SHANK2: variants seen among roughly 807,000 people sequenced by gnomAD.
SHANK2 encodes SH3 and multiple ankyrin repeat domains protein 2.
In SHANK2, 43 loss-of-function variants were observed where a neutral mutation model predicts 133.7. The ratio of observed to expected loss-of-function variants is 0.32; its 90% confidence interval spans 0.25 to 0.41. The LOEUF (loss-of-function observed/expected upper bound fraction) is 0.41. SHANK2 is among the 10% of genes least tolerant of loss of function. SHANK2 has a pLI of 1.00. For missense variants in SHANK2, 1,994 were observed against 2,235.8 expected, an observed-to-expected ratio of 0.89 and a Z score of 2.18; for synonymous variants, 1,017 against 952.8, an observed-to-expected ratio of 1.07 and a Z score of -1.24.
rs144423096 is a variant in SHANK2 at position 70,898,324 on chromosome 11, G to GTA, written c.1108-1759_1108-1758dup. On this transcript the variant is annotated intron_variant, in intron 10 of 25. Coordinates refer to ENST00000601538, the MANE Select transcript of SHANK2 (RefSeq NM_012309.5). ...CACACACACACACATATATATATGT[G>GTA]TATATATATATATGTATACATTTAA... Among the ~76,000 whole-genome samples, 586 of 141,464 alleles carry GTA rather than the reference G, an allele frequency of 4.1e-3. 3 individuals are homozygous for GTA. The highest frequency in any genetic ancestry group is 0.02 in the South Asian group (89 of 4,466). The allele number at this position is 141,464 out of a possible 152,430, so 92.8% of individuals were successfully genotyped here. A position where few individuals can be genotyped will look rare whatever the true frequency, so the allele number is the denominator to read the frequency against.
intron 14 of SHANK2, among the ~76,000 whole-genome samples, chr11:70,792,390 ACCAG>A (rs781996287): frequency 1.2e-3 from 157 of 132,508 alleles, no homozygotes; most frequent in Middle Eastern, 8.0e-3. Flanking sequence ...CAACCAGCCA[ACCAG>A]CCAACCAACC....
At chr11:70,691,265 G>A (rs1236691827) in intron 15 of SHANK2, among the ~76,000 whole-genome samples, 1 of 152,168 alleles carries the variant, frequency 6.6e-6, no homozygotes, top group Non-Finnish European at 1.5e-5. Context: ...GGAGGACGAG[G>A]AGAAGACAGG....
At chr11:71,234,095 C>T (rs1954790606) in intron 1 of SHANK2, among the ~76,000 whole-genome samples, 1 of 141,702 alleles carries the variant, frequency 7.1e-6, no homozygotes, top group South Asian at 2.3e-4. Flanking sequence ...TGCCTGTAAT[C>T]CCAGCACTTT....
rs1438768401 is a variant in SHANK2, at chr11:70,739,890, G to A, written c.1778-41127C>T. Among the ~76,000 whole-genome samples the A allele has an allele frequency of 1.3e-5, 2 of 152,354 alleles. No individual in the cohort carries two copies. The highest frequency in any genetic ancestry group is 2.1e-4 in the South Asian group (1 of 4,830). ...GGCCACGTGAAGACAGGCCAGAGCC[G>A]CCGCAGAGGATGATGATCCCGAATC... On this transcript the variant is annotated intron_variant, in intron 14 of 25. Transcript: ENST00000601538. The surrounding 1 kb of genome is among the most constrained non-coding windows in gnomAD (Gnocchi z 4.3).
At chr11:70,698,661 C>T (rs1555022875) in intron 15 of SHANK2, 27 bp downstream of exon 15, 2 of 718,574 alleles carry the variant, frequency 2.8e-6, no homozygotes, top group African/African-American at 1.7e-5. Context: ...ACCAGAGGGT[C>T]CTGGAAGAGA....
intron 11 of SHANK2, among the ~76,000 whole-genome samples, chr11:70,896,149 C>A (rs897053790): frequency 1.3e-5 from 2 of 152,130 alleles, no homozygotes; most frequent in African/African-American, 4.8e-5. Flanking sequence ...CTAGAGCCAA[C>A]CCTTAGCATA....
Position 70,800,051 on chromosome 11 carries a change from A to T in SHANK2, c.1664-1495T>A, listed in dbSNP as rs538346675. On this transcript the variant is annotated intron_variant, in intron 13 of 25. Transcript: ENST00000601538. ...TTTTTTTTTGTTTTTTGTTTTTTTTAGAGGCTTTGTCACCCAGGCTGAAGT... is the reference window on the plus strand; with the variant it reads ...TTTTTTTTTGTTTTTTGTTTTTTTTTGAGGCTTTGTCACCCAGGCTGAAGT... Among the ~76,000 whole-genome samples, 31 of 151,096 alleles carry T rather than the reference A, an allele frequency of 2.1e-4. No homozygotes were observed. The South Asian group carries it at 3.3e-3, about 16-fold the overall frequency.
intron 14 of SHANK2, among the ~76,000 whole-genome samples, chr11:70,779,513 G>T (rs931571546): frequency 1.3e-5 from 2 of 152,068 alleles, no homozygotes; most frequent in African/African-American, 4.8e-5. Flanking sequence ...ACCAAACATG[G>T]GTATGCTGAT....
rs1555148578 is a variant in SHANK2 at position 70,471,672 on chromosome 11, G to A, written c.*1197C>T. 2.9e-6 allele frequency: 1 copy of A among 343,936 alleles called. No homozygotes were observed. 21.3% of individuals were successfully genotyped at this position (343,936 alleles called of 1,614,324 possible). ...GCTGTTGTACTGTTAAGACAAGCTG[G>A]TGGGATTCCTAGACACCCAGAGCGA... On this transcript the variant is annotated 3_prime_UTR_variant, in exon 26 of 26. Transcript: ENST00000601538. This position sits in a 1 kb window ranked among gnomAD's most constrained non-coding sequence, Gnocchi z 4.1.
chr11:70,720,838 C>T (rs1204380270), intron 14 of SHANK2, among the ~76,000 whole-genome samples: 30 of 152,238 alleles, frequency 2.0e-4, no homozygotes, highest in African/African-American at 6.0e-4. Flanking sequence ...CATGCAAACA[C>T]ATCTTCACAC....
At position 70,804,605 on chromosome 11, in the gene SHANK2, G is replaced by A. The variant is rs556630850; in HGVS notation, c.1663+2397C>T. On this transcript the variant is annotated intron_variant, in intron 13 of 25. Transcript: ENST00000601538. This position sits in a 1 kb window ranked among gnomAD's most constrained non-coding sequence, Gnocchi z 4.1. Reference sequence around the variant, plus strand: ...TGCTGCTGGGTTCCAGTGTGCTGGGGAGGGGCAGAGAGGCTGAGGAGGCCC... The same window carrying A: ...TGCTGCTGGGTTCCAGTGTGCTGGGAAGGGGCAGAGAGGCTGAGGAGGCCC... Among the ~76,000 whole-genome samples the A allele has an allele frequency of 6.6e-6, 1 of 152,278 alleles. No individual in the cohort carries two copies. Among genetic ancestry groups the A allele is most frequent in the East Asian group, 1.9e-4 (1 of 5,150 alleles).
intron 2 of SHANK2, among the ~76,000 whole-genome samples, chr11:71,187,155 G>A (rs1183435762): frequency 1.3e-5 from 2 of 152,204 alleles, no homozygotes; most frequent in East Asian, 3.8e-4. Flanking sequence ...CTTAATTAAA[G>A]ACTGCATGAG....
intron 17 of SHANK2, among the ~76,000 whole-genome samples, chr11:70,536,325 C>T (rs1233929312): frequency 2.6e-5 from 4 of 152,216 alleles, no homozygotes; most frequent in East Asian, 3.9e-4. Context: ...TTGGACCAAG[C>T]TGAGATGAGG....
At chr11:70,614,071 G>C (rs1212444819) in intron 17 of SHANK2, among the ~76,000 whole-genome samples, 6 of 152,090 alleles carry the variant, frequency 3.9e-5, no homozygotes, top group Non-Finnish European at 8.8e-5. Context: ...AACCAGAAGA[G>C]GGGAATTTGG....
At chr11:70,693,331 T>G (rs79830404) in intron 15 of SHANK2, among the ~76,000 whole-genome samples, 1,898 of 152,346 alleles carry the variant, frequency 0.012, 34 homozygotes, top group African/African-American at 0.043. Context: ...TCTCTGACAT[T>G]ACTGCCTCTA....
intron 6 of SHANK2, among the ~76,000 whole-genome samples, chr11:71,104,362 C>T (rs1476717349): frequency 1.3e-5 from 2 of 149,068 alleles, no homozygotes; most frequent in Admixed American, 6.6e-5. Context: ...CAACACAGGG[C>T]CCCCCCCATC....
intron 10 of SHANK2, among the ~76,000 whole-genome samples, chr11:70,947,051 A>G (rs1950755544): frequency 6.6e-6 from 1 of 150,974 alleles, no homozygotes; most frequent in Non-Finnish European, 1.5e-5. Flanking sequence ...TGCACTAACC[A>G]ACCCTTCTCA....
intron 21 of SHANK2, among the ~76,000 whole-genome samples, chr11:70,494,712 C>T (rs576082): frequency 0.33 from 50,554 of 152,034 alleles, 9,836 homozygotes; most frequent in East Asian, 0.64. Context: ...AGGTGTTTGC[C>T]GACCCCTGGC....
At chr11:70,665,850 G>A (rs1010940083) in intron 15 of SHANK2, among the ~76,000 whole-genome samples, 4 of 152,136 alleles carry the variant, frequency 2.6e-5, no homozygotes, top group African/African-American at 9.7e-5. Context: ...TAGCATCCCC[G>A]TCCACCTTCT....
Sources: gnomAD v4.1 joint callset for allele counts (sites outside exome capture counted in the v4.1 genomes callset) on GRCh38, gnomAD v4.1.1 for gene constraint, Gnocchi (gnomAD v3.1) non-coding constraint, MANE v1.5 for transcripts, NCBI Gene and HGNC (gene_info 2026-07-23, HGNC 2026-07-21) for gene names.